Variants in LYPLA1 observed in about 807,000 individuals in gnomAD.
The protein encoded by LYPLA1 is lysophospholipase 1.
In LYPLA1, 17 loss-of-function variants were observed where a neutral mutation model predicts 34.0. That is an observed-to-expected ratio of 0.50 (90% CI 0.34 to 0.75). LYPLA1 has a LOEUF of 0.75. Ranked by LOEUF, LYPLA1 falls within the 30% of genes least tolerant of loss-of-function variation. LYPLA1 has a pLI of 0.01. For missense variants in LYPLA1, 203 were observed against 288.8 expected, an observed-to-expected ratio of 0.70 and a Z score of 2.15; for synonymous variants, 98 against 100.8, an observed-to-expected ratio of 0.97 and a Z score of 0.17.
intron 3 of LYPLA1, 35 bp from the exon 4 acceptor site, chr8:54,063,410 A>T: frequency 7.4e-7 from 1 of 1,351,516 alleles, no homozygotes; most frequent in Non-Finnish European, 1.0e-6. Context: ...AAATCAGAAT[A>T]ACAAAGCATA....
At chr8:54,067,833 G>A (rs981700221) in intron 2 of LYPLA1, among the ~76,000 whole-genome samples, 2 of 150,730 alleles carry the variant, frequency 1.3e-5, no homozygotes, top group South Asian at 2.1e-4. Flanking sequence ...GTAGGCGCCC[G>A]CCACCACACC....
chr8:54,055,471 G>A (rs1310577740), intron 5 of LYPLA1, among the ~76,000 whole-genome samples: 3 of 151,742 alleles, frequency 2.0e-5, no homozygotes, highest in Non-Finnish European at 4.4e-5. Context: ...AAGATTCCAT[G>A]GTCATGGATA....
chr8:54,077,353 TGGAA>T (rs1807984315), intron 2 of LYPLA1, among the ~76,000 whole-genome samples: 1 of 151,604 alleles, frequency 6.6e-6, no homozygotes, highest in Non-Finnish European at 1.5e-5. Context: ...TGGTGGAGGG[TGGAA>T]GGAGGGAAAG....
At chr8:54,099,066 C>CTAA (rs1363520880) in intron 2 of LYPLA1, among the ~76,000 whole-genome samples, 1 of 151,740 alleles carries the variant, frequency 6.6e-6, no homozygotes, top group Non-Finnish European at 1.5e-5. Flanking sequence ...ATTTTTGATC[C>CTAA]TAATAGTCTT....
At chr8:54,097,135 C>A (rs759508506) in intron 2 of LYPLA1, among the ~76,000 whole-genome samples, 2 of 152,088 alleles carry the variant, frequency 1.3e-5, no homozygotes, top group Non-Finnish European at 2.9e-5. Context: ...AGTATCCCCC[C>A]GCAACTTGCT....
At chr8:54,061,415 C>T (rs1806627342) in intron 5 of LYPLA1, among the ~76,000 whole-genome samples, 1 of 152,172 alleles carries the variant, frequency 6.6e-6, no homozygotes, top group Admixed American at 6.5e-5. Context: ...CTGTTTTCTC[C>T]ATTTTCCTAT....
chr8:54,044,089 A>G (rs1370358372), downstream of LYPLA1, among the ~76,000 whole-genome samples: 1 of 151,754 alleles, frequency 6.6e-6, no homozygotes, highest in Non-Finnish European at 1.5e-5. Flanking sequence ...ATGGGGTTTT[A>G]CCATGTTGAC....
intron 2 of LYPLA1, chr8:54,073,075 G>A (rs1807611136): frequency 7.0e-6 from 4 of 575,094 alleles, no homozygotes; most frequent in Middle Eastern, 5.0e-4. Context: ...TCATCAAAAA[G>A]TCAAAAAAGG....
chr8:54,091,211 G>A (rs879292166), intron 2 of LYPLA1, among the ~76,000 whole-genome samples: 3 of 152,082 alleles, frequency 2.0e-5, no homozygotes, highest in Non-Finnish European at 4.4e-5. Flanking sequence ...AACCAGGCAG[G>A]GCATGGTGGC....
chr8:54,072,701 C>A lies in LYPLA1; in HGVS notation c.102-6888G>T, dbSNP rs530842701. On this transcript the variant is annotated intron_variant, in intron 2 of 8. Coordinates refer to ENST00000316963, the MANE Select transcript of LYPLA1 (RefSeq NM_006330.4). ...GACACTTTTCAAAAGACAGGCTGGGCGTGGTCGTGGCTCATGCCTGTAATC... is the reference window on the plus strand; with the variant it reads ...GACACTTTTCAAAAGACAGGCTGGGAGTGGTCGTGGCTCATGCCTGTAATC... Among the ~76,000 whole-genome samples, 19 of 151,814 alleles carry A rather than the reference C, an allele frequency of 1.3e-4. 1 individual carries two copies. In the South Asian group the frequency reaches 4.0e-3, roughly 32 times the overall value.
chr8:54,055,001 C>A (rs2129326609), intron 6 of LYPLA1, 59 bp downstream of exon 6: 1 of 1,019,422 alleles, frequency 9.8e-7, no homozygotes, highest in African/African-American at 1.6e-5. Context: ...AGGATTAATG[C>A]ACAGACTTCT....
chr8:54,079,416 C>T (rs1340577516), intron 2 of LYPLA1, among the ~76,000 whole-genome samples: 5 of 152,098 alleles, frequency 3.3e-5, no homozygotes, highest in Admixed American at 3.3e-4. Context: ...GCTACCATTC[C>T]TAGATCGTGG....
intron 2 of LYPLA1, among the ~76,000 whole-genome samples, chr8:54,086,613 A>G (rs891973098): frequency 6.7e-6 from 1 of 150,342 alleles, no homozygotes; most frequent in Non-Finnish European, 1.5e-5. Context: ...CTCGTAATCC[A>G]ACACTTTAAG....
chr8:54,064,240 C>A (rs904965307), intron 3 of LYPLA1, among the ~76,000 whole-genome samples: 4 of 144,362 alleles, frequency 2.8e-5, no homozygotes, highest in African/African-American at 1.0e-4. Flanking sequence ...CATGGTGAAA[C>A]CATGTCTCTA....
At chr8:54,086,403 A>G (rs1808769833) in intron 2 of LYPLA1, among the ~76,000 whole-genome samples, 1 of 147,702 alleles carries the variant, frequency 6.8e-6, no homozygotes, top group African/African-American at 2.5e-5. Context: ...CTCTCCGAGA[A>G]ACACCCAAGA....
At chr8:54,075,385 T>A (rs575970443) in intron 2 of LYPLA1, among the ~76,000 whole-genome samples, 7 of 152,218 alleles carry the variant, frequency 4.6e-5, no homozygotes, top group Admixed American at 6.5e-5. Flanking sequence ...TGAAACCTTA[T>A]CAGATGAGCC....
intron 2 of LYPLA1, among the ~76,000 whole-genome samples, chr8:54,095,429 T>C (rs1367503496): frequency 6.6e-6 from 1 of 152,144 alleles, no homozygotes; most frequent in African/African-American, 2.4e-5. Flanking sequence ...TGGGTGAACA[T>C]ATGGTGGGGA....
chr8:54,060,849 C>T (rs374133400), intron 5 of LYPLA1, among the ~76,000 whole-genome samples: 44 of 151,780 alleles, frequency 2.9e-4, no homozygotes, highest in African/African-American at 7.0e-4. Flanking sequence ...CCCGCCACCA[C>T]GCCTGGCTAA....
chr8:54,065,657 T>A, intron 3 of LYPLA1, 91 bp downstream of exon 3: 1 of 814,996 alleles, frequency 1.2e-6, no homozygotes. Flanking sequence ...AAAAATTAAC[T>A]GTATTCAAAT....
Sources: allele counts gnomAD v4.1 joint callset (sites outside exome capture counted in the v4.1 genomes callset), GRCh38; gene constraint gnomAD v4.1.1; transcripts MANE v1.5; gene names NCBI Gene and HGNC (gene_info 2026-07-23, HGNC 2026-07-21).